MEIKIN: variants seen among roughly 807,000 people sequenced by gnomAD.
The protein encoded by MEIKIN is meiotic kinetochore factor.
intron 11 of MEIKIN, among the ~76,000 whole-genome samples, chr5:131,848,150 T>C (rs1750049631): frequency 1.3e-5 from 2 of 152,024 alleles, no homozygotes; most frequent in Non-Finnish European, 2.9e-5. Flanking sequence ...AACCCAAAGC[T>C]AGCAGAAGGA....
At chr5:131,866,993 C>T (rs1017340865) in intron 9 of MEIKIN, among the ~76,000 whole-genome samples, 1 of 152,098 alleles carries the variant, frequency 6.6e-6, no homozygotes, top group Non-Finnish European at 1.5e-5. Flanking sequence ...GAAAAAGCTT[C>T]CTATAACCCT....
chr5:131,835,323 T>G (rs1219739824), intron 11 of MEIKIN, among the ~76,000 whole-genome samples: 1 of 152,104 alleles, frequency 6.6e-6, no homozygotes, highest in Non-Finnish European at 1.5e-5. Flanking sequence ...TAGGTGTGTA[T>G]TCATCACGTT....
intron 9 of MEIKIN, among the ~76,000 whole-genome samples, chr5:131,863,498 T>C (rs1580877839): frequency 6.6e-6 from 1 of 152,060 alleles, no homozygotes; most frequent in East Asian, 1.9e-4. Context: ...ATGTATTTAG[T>C]ATTGTTACAC....
chr5:131,836,079 T>C (rs557738054), intron 11 of MEIKIN, among the ~76,000 whole-genome samples: 71 of 152,266 alleles, frequency 4.7e-4, no homozygotes, highest in African/African-American at 1.7e-3. Context: ...GGCCCCTGTG[T>C]TGTTCCCCTG....
At chr5:131,863,509 G>A (rs1366963284) in intron 9 of MEIKIN, among the ~76,000 whole-genome samples, 5 of 142,152 alleles carry the variant, frequency 3.5e-5, no homozygotes, top group Non-Finnish European at 7.5e-5. Context: ...ATTGTTACAC[G>A]CTCTTCTAGA....
intron 7 of MEIKIN, among the ~76,000 whole-genome samples, chr5:131,912,601 T>G (rs1751348845): frequency 6.6e-6 from 1 of 152,164 alleles, no homozygotes; most frequent in Non-Finnish European, 1.5e-5. Context: ...CCTACACTGA[T>G]TAATTGAATA....
chr5:131,811,077 A>G (rs1206091078), intron 12 of MEIKIN, among the ~76,000 whole-genome samples: 1 of 152,192 alleles, frequency 6.6e-6, no homozygotes, highest in Non-Finnish European at 1.5e-5. Context: ...TGTTACGGTG[A>G]GAGCCTAGAA....
At chr5:131,882,372 G>C (rs1268438624) in intron 8 of MEIKIN, among the ~76,000 whole-genome samples, 3 of 152,102 alleles carry the variant, frequency 2.0e-5, no homozygotes, top group Non-Finnish European at 4.4e-5. Context: ...GAACTCAAGG[G>C]CTCTTGGAAG....
At chr5:131,862,924 C>T (rs1750312265) in intron 9 of MEIKIN, among the ~76,000 whole-genome samples, 1 of 152,156 alleles carries the variant, frequency 6.6e-6, no homozygotes, top group Non-Finnish European at 1.5e-5. Flanking sequence ...GTCTCAAACT[C>T]CTGGCCTCAA....
chr5:131,878,153 TA>T (rs1463621951), intron 9 of MEIKIN, among the ~76,000 whole-genome samples: 1 of 152,244 alleles, frequency 6.6e-6, no homozygotes, highest in African/African-American at 2.4e-5. Flanking sequence ...TCATTAAACT[TA>T]TATAGAGTAT....
intron 8 of MEIKIN, among the ~76,000 whole-genome samples, chr5:131,886,547 A>G (rs1020878744): frequency 3.3e-5 from 5 of 152,238 alleles, no homozygotes; most frequent in African/African-American, 1.2e-4. Flanking sequence ...CTACAATAGT[A>G]TATCAGGCAA....
intron 11 of MEIKIN, among the ~76,000 whole-genome samples, chr5:131,841,075 C>T (rs1749900088): frequency 6.6e-6 from 1 of 151,968 alleles, no homozygotes; most frequent in South Asian, 2.1e-4. Flanking sequence ...AATGTGAGTT[C>T]AGTTGACTGG....
chr5:131,820,380 C>A (rs868488253), intron 11 of MEIKIN, among the ~76,000 whole-genome samples: 1 of 152,182 alleles, frequency 6.6e-6, no homozygotes, highest in African/African-American at 2.4e-5. Context: ...AACCACCGTG[C>A]CTGGCTGATA....
At chr5:131,924,126 C>T (rs1471266737) in intron 5 of MEIKIN, among the ~76,000 whole-genome samples, 1 of 152,010 alleles carries the variant, frequency 6.6e-6, no homozygotes, top group Admixed American at 6.6e-5. Flanking sequence ...ATAATGTCCT[C>T]AAGGTTCATC....
intron 8 of MEIKIN, among the ~76,000 whole-genome samples, chr5:131,900,150 T>C (rs893129369): frequency 5.3e-5 from 8 of 152,040 alleles, no homozygotes; most frequent in Admixed American, 4.6e-4. Flanking sequence ...CTGACCACAA[T>C]GAAATAAAAC....
At chr5:131,816,699 T>A (rs76788618) in intron 12 of MEIKIN, among the ~76,000 whole-genome samples, 2,277 of 152,300 alleles carry the variant, frequency 0.015, 90 homozygotes, top group East Asian at 0.14. Flanking sequence ...TTTTGTAGGA[T>A]CCTGACAAAT....
intron 11 of MEIKIN, among the ~76,000 whole-genome samples, chr5:131,835,091 T>C (rs1580864787): frequency 3.3e-5 from 5 of 152,240 alleles, no homozygotes; most frequent in Admixed American, 3.3e-4. Flanking sequence ...TATGTCTTTT[T>C]TGGAGAAATG....
intron 8 of MEIKIN, among the ~76,000 whole-genome samples, chr5:131,885,341 AAGAGAGAGAGAGAGAGAGAGAGAGAGAG>A (rs57363906): frequency 7.7e-4 from 48 of 61,976 alleles, no homozygotes; most frequent in East Asian, 1.4e-3. Flanking sequence ...TCAGAACTGA[AAGAGAGAGAGAGAGAGAGAGAGAGAGAG>A]AGAGAGAGAG....
At chr5:131,851,598 T>C (rs1420812086) in intron 10 of MEIKIN, among the ~76,000 whole-genome samples, 1 of 152,206 alleles carries the variant, frequency 6.6e-6, no homozygotes, top group Non-Finnish European at 1.5e-5. Context: ...ATCTGTAAAA[T>C]GGGTTATAAC....
Sources: allele counts gnomAD v4.1 joint callset (sites outside exome capture counted in the v4.1 genomes callset), GRCh38; gene constraint gnomAD v4.1.1; transcripts MANE v1.5; gene names NCBI Gene and HGNC (gene_info 2026-07-23, HGNC 2026-07-21).